Variants in CNGA1 observed in about 807,000 individuals in gnomAD.
The protein encoded by CNGA1 is cyclic nucleotide gated channel subunit alpha 1.
A neutral mutation model predicts 69.7 loss-of-function variants in CNGA1; 53 were observed. The ratio of observed to expected loss-of-function variants is 0.76; its 90% CI spans 0.61 to 0.96. The LOEUF is 0.96. CNGA1 is among the 40% of genes least tolerant of loss of function. The pLI is 0.00. For synonymous variants in CNGA1, 249 were observed against 283.5 expected (o/e 0.88, Z 1.22); for missense variants, 739 against 811.2 (o/e 0.91, Z 1.08).
intron 3 of CNGA1, among the ~76,000 whole-genome samples, chr4:47,958,129 C>T (rs1477640949): frequency 1.3e-5 from 2 of 152,074 alleles, no homozygotes; most frequent in Admixed American, 6.5e-5. Flanking sequence ...CTCCTGACCT[C>T]GTGATCCACC....
intron 2 of CNGA1, among the ~76,000 whole-genome samples, chr4:47,998,952 C>T (rs1330270882): frequency 6.6e-6 from 1 of 152,076 alleles, no homozygotes; most frequent in African/African-American, 2.4e-5. Flanking sequence ...ATGCAAAATT[C>T]CAAAAATAAA....
chr4:47,961,603 G>T (rs530049358), intron 3 of CNGA1, among the ~76,000 whole-genome samples: 41 of 152,148 alleles, frequency 2.7e-4, no homozygotes, highest in Non-Finnish European at 4.9e-4. Context: ...AATTAGTCAG[G>T]CATGGTAGTG....
chr4:47,971,629 C>T (rs931951605), intron 3 of CNGA1, among the ~76,000 whole-genome samples: 3 of 152,132 alleles, frequency 2.0e-5, no homozygotes, highest in East Asian at 1.9e-4. Context: ...CGGTGGCTCA[C>T]GCTTGCAATC....
At chr4:47,989,757 T>C (rs1165063276) in intron 2 of CNGA1, among the ~76,000 whole-genome samples, 4 of 149,500 alleles carry the variant, frequency 2.7e-5, no homozygotes, top group African/African-American at 7.7e-5. Flanking sequence ...CCAAGCAGTA[T>C]ACACTGAACC....
Position 47,950,256 on chromosome 4 carries a change from G to A in CNGA1, c.225-361C>T, listed in dbSNP as rs535633825. Among the ~76,000 whole-genome samples, 10 of 152,228 alleles carry A rather than the reference G, an allele frequency of 6.6e-5. No homozygotes were observed. The East Asian group carries it at 7.7e-4, about 12-fold the overall frequency. ...GGTGGGTGTTGCCCATGCCATTCTC[G>A]TGCTAGTAAATAAGTCTCACAAGAT... On this transcript the variant is annotated intron_variant, in intron 5 of 10. Coordinates refer to ENST00000514170, the MANE Select transcript of CNGA1 (RefSeq NM_001379270.1).
rs1715401866 is a variant in CNGA1, at chr4:48,016,659, G to T, written c.-399C>A. Reference sequence around the variant, plus strand: ...CCCTGAGAATTCGCAACAAGCCCCGGGCAGCAGGGCTCGGCTGGCGCTGAG... The same window carrying T: ...CCCTGAGAATTCGCAACAAGCCCCGTGCAGCAGGGCTCGGCTGGCGCTGAG... On this transcript the variant is annotated 5_prime_UTR_variant, in exon 1 of 11. Transcript: ENST00000514170. The T allele has an allele frequency of 1.7e-6, 1 of 572,836 alleles. No homozygotes were observed. The highest frequency in any genetic ancestry group is 3.0e-6 in the Non-Finnish European group (1 of 335,422). 35.5% of individuals were successfully genotyped at this position (572,836 alleles called of 1,614,324 possible). A position where few individuals can be genotyped will look rare whatever the true frequency, so the allele number is the denominator to read the frequency against.
chr4:47,965,830 A>G (rs1219215454), intron 3 of CNGA1, among the ~76,000 whole-genome samples: 1 of 152,154 alleles, frequency 6.6e-6, no homozygotes, highest in Non-Finnish European at 1.5e-5. Context: ...GTAGTTTGAG[A>G]AAAAAATTTT....
intron 2 of CNGA1, among the ~76,000 whole-genome samples, chr4:47,997,687 C>T (rs553433744): frequency 2.2e-4 from 33 of 152,200 alleles, no homozygotes; most frequent in South Asian, 4.1e-4. Context: ...TGTTTCACAA[C>T]GCTTTGAGTC....
At position 47,947,819 on chromosome 4, in the gene CNGA1, G is replaced by A. The variant is rs1044299214; in HGVS notation, c.287+2014C>T. On this transcript the variant is annotated intron_variant, in intron 6 of 10. Coordinates refer to ENST00000514170, the MANE Select transcript of CNGA1 (RefSeq NM_001379270.1). ...TGGAAAGATCAGGGAAAATATTTCAGAAGAGGCAGACTGAATGGACATATT... is the reference window on the plus strand; with the variant it reads ...TGGAAAGATCAGGGAAAATATTTCAAAAGAGGCAGACTGAATGGACATATT... Among the ~76,000 whole-genome samples, 14 of 152,226 alleles carry A rather than the reference G, an allele frequency of 9.2e-5. 1 individual carries two copies. Among genetic ancestry groups the A allele is most frequent in the Admixed American group, 9.2e-4 (14 of 15,288 alleles).
intron 2 of CNGA1, among the ~76,000 whole-genome samples, chr4:47,991,195 A>C (rs557716052): frequency 6.6e-6 from 1 of 152,304 alleles, no homozygotes; most frequent in East Asian, 1.9e-4. Context: ...TGCTGGATCA[A>C]ATGGCAGTTC....
chr4:47,987,857 C>A (rs1351625076), intron 2 of CNGA1, among the ~76,000 whole-genome samples: 1 of 152,168 alleles, frequency 6.6e-6, no homozygotes, highest in East Asian at 1.9e-4. Flanking sequence ...GAAGAGTTTG[C>A]CCAGCAAGAA....
chr4:47,959,787 G>A (rs1030069724), intron 3 of CNGA1, among the ~76,000 whole-genome samples: 1 of 152,048 alleles, frequency 6.6e-6, no homozygotes, highest in Non-Finnish European at 1.5e-5. Context: ...TGTATTTTTA[G>A]TAGAGTCGGG....
intron 6 of CNGA1, among the ~76,000 whole-genome samples, chr4:47,948,420 T>C (rs1346824420): frequency 1.3e-5 from 2 of 152,214 alleles, no homozygotes; most frequent in South Asian, 2.1e-4. Context: ...ATAGAATGCA[T>C]TGGTCTGGGA....
chr4:47,948,365 T>C (rs1342896915), intron 6 of CNGA1, among the ~76,000 whole-genome samples: 1 of 152,156 alleles, frequency 6.6e-6, no homozygotes, highest in Non-Finnish European at 1.5e-5. Flanking sequence ...TAGGATACTG[T>C]ATATATGCTA....
chr4:47,956,009 C>T (rs1471109782), intron 3 of CNGA1, among the ~76,000 whole-genome samples: 1 of 152,142 alleles, frequency 6.6e-6, no homozygotes, highest in Non-Finnish European at 1.5e-5. Context: ...GTGAATTGGC[C>T]CACATAACCC....
intron 3 of CNGA1, among the ~76,000 whole-genome samples, chr4:47,973,915 G>A (rs1179599002): frequency 2.0e-5 from 3 of 151,916 alleles, no homozygotes; most frequent in African/African-American, 4.8e-5. Context: ...AATTGTGGCC[G>A]GGTGTGGTGG....
At chr4:47,957,878 T>C (rs1321558966) in intron 3 of CNGA1, among the ~76,000 whole-genome samples, 1 of 148,656 alleles carries the variant, frequency 6.7e-6, no homozygotes, top group Non-Finnish European at 1.5e-5. Flanking sequence ...ATGTATCAGA[T>C]AGATGTGTTT....
Position 47,936,693 on chromosome 4 carries a change from G to A in CNGA1, c.1789C>T (p.Gln597Ter). ...AKTMLEEKGK[Q>*]ILMKDGLLDL... ...AGTAGACCATCTTTCATTAAAATCT[G>A]CTTCCCTTTCTCTTCCAGCATAGTT... Residue 597 changes from glutamine to a stop codon, truncating the protein, a stop_gained, in exon 11 of 11, where the codon CAG becomes TAG. Coordinates refer to ENST00000514170, the MANE Select transcript of CNGA1 (RefSeq NM_001379270.1). LOFTEE classifies it high-confidence loss of function. 1 of 1,614,122 alleles carries A rather than the reference G, an allele frequency of 6.2e-7. No homozygotes were observed. Among genetic ancestry groups the A allele is most frequent in the East Asian group, 2.2e-5 (1 of 44,886 alleles).
chr4:47,943,074 G>A (rs1224252851), intron 8 of CNGA1, 107 bp downstream of exon 8: 3 of 763,532 alleles, frequency 3.9e-6, no homozygotes, highest in African/African-American at 3.5e-5. Context: ...CTTTACACAG[G>A]GCTCTTTACT....
Sources: gnomAD v4.1 joint callset for allele counts (sites outside exome capture counted in the v4.1 genomes callset) on GRCh38, gnomAD v4.1.1 for gene constraint, MANE v1.5 for transcripts, NCBI Gene and HGNC (gene_info 2026-07-23, HGNC 2026-07-21) for gene names.